Variants in SLC35F1 observed in about 807,000 individuals in gnomAD.
The protein encoded by SLC35F1 is chromosome 6 open reading frame 169.
SLC35F1 carries 14 observed loss-of-function variants against 48.7 expected under a neutral mutation model. The ratio of observed to expected loss-of-function variants is 0.29; its 90% CI spans 0.19 to 0.45. The LOEUF is 0.45. Among genes scored for constraint, SLC35F1 ranks in the 20% least tolerant of loss-of-function variants. SLC35F1 has a pLI of 1.00. For missense variants in SLC35F1, 404 were observed against 500.0 expected, an observed-to-expected ratio of 0.81 and a Z score of 1.83; for synonymous variants, 190 against 202.2, an observed-to-expected ratio of 0.94 and a Z score of 0.51.
At chr6:118,064,932 G>A (rs1056037979) in intron 1 of SLC35F1, among the ~76,000 whole-genome samples, 2 of 152,066 alleles carry the variant, frequency 1.3e-5, no homozygotes, top group Non-Finnish European at 2.9e-5. Context: ...CCAATGCAAG[G>A]TTACACTCCC....
chr6:118,146,528 A>C (rs1430224235), intron 1 of SLC35F1, among the ~76,000 whole-genome samples: 1 of 152,180 alleles, frequency 6.6e-6, no homozygotes, highest in Admixed American at 6.5e-5. Flanking sequence ...CAAAGACTCA[A>C]AACTATGTTC....
chr6:118,193,227 A>C (rs979453183), intron 2 of SLC35F1, among the ~76,000 whole-genome samples: 11 of 152,176 alleles, frequency 7.2e-5, no homozygotes, highest in African/African-American at 9.7e-5. Flanking sequence ...GACAAGACAA[A>C]TCTATCTAAT....
intron 1 of SLC35F1, among the ~76,000 whole-genome samples, chr6:117,967,888 G>A (rs1187697435): frequency 6.6e-6 from 1 of 152,148 alleles, no homozygotes; most frequent in Non-Finnish European, 1.5e-5. Context: ...TCTCTTGTAA[G>A]TCTTCAAATT....
At chr6:118,242,954 C>T (rs1169062786) in intron 3 of SLC35F1, among the ~76,000 whole-genome samples, 1 of 152,174 alleles carries the variant, frequency 6.6e-6, no homozygotes, top group African/African-American at 2.4e-5. Flanking sequence ...AAGCAGTTTC[C>T]ATCAGGAGTG....
intron 3 of SLC35F1, among the ~76,000 whole-genome samples, chr6:118,266,627 A>C (rs941160276): frequency 1.3e-5 from 2 of 152,086 alleles, no homozygotes; most frequent in African/African-American, 4.8e-5. Flanking sequence ...CAATGTAAAA[A>C]GGCTGGGTGT....
At chr6:118,126,889 A>G (rs1452966426) in intron 1 of SLC35F1, among the ~76,000 whole-genome samples, 1 of 151,948 alleles carries the variant, frequency 6.6e-6, no homozygotes, top group Admixed American at 6.6e-5. Flanking sequence ...GGGCTGAGAC[A>G]ATGGGGTTTT....
chr6:118,222,176 C>T (rs949786180), intron 2 of SLC35F1, among the ~76,000 whole-genome samples: 4 of 152,138 alleles, frequency 2.6e-5, no homozygotes, highest in African/African-American at 7.2e-5. Flanking sequence ...GTCAGAAAGT[C>T]TGGGGTGGGC....
chr6:117,971,839 C>T (rs1451756011), intron 1 of SLC35F1, among the ~76,000 whole-genome samples: 1 of 152,200 alleles, frequency 6.6e-6, no homozygotes, highest in Non-Finnish European at 1.5e-5. Context: ...GGGCCTGGCC[C>T]AGGAAACCAT....
At chr6:118,001,291 C>T (rs1197806752) in intron 1 of SLC35F1, among the ~76,000 whole-genome samples, 5 of 152,026 alleles carry the variant, frequency 3.3e-5, no homozygotes, top group South Asian at 2.1e-4. Context: ...TCAGAAATAA[C>T]GCCACATATC....
chr6:118,052,828 T>C (rs1393937752), intron 1 of SLC35F1, among the ~76,000 whole-genome samples: 4 of 152,166 alleles, frequency 2.6e-5, no homozygotes, highest in Admixed American at 2.6e-4. Context: ...AATATTAGTA[T>C]TTTTTCTAGA....
chr6:118,317,207 AACTTGC>A lies in SLC35F1; in HGVS notation c.*2959_*2964del, dbSNP rs1390396952. 1 of 152,428 alleles carries A rather than the reference AACTTGC, an allele frequency of 6.6e-6. No individual in the cohort carries two copies. The highest frequency in any genetic ancestry group is 1.5e-5 in the Non-Finnish European group (1 of 68,042). The allele number at this position is 152,428 out of a possible 1,614,324, so 9.4% of individuals were successfully genotyped here. A position where few individuals can be genotyped will look rare whatever the true frequency, so the allele number is the denominator to read the frequency against. The stretch of plus-strand genomic sequence containing the variant: ...TGGTGGTTCTCACTTCCTCAATGAA[AACTTGC>A]ACTGGGGACAGCGCTTGCCTTGGTC... On this transcript the variant is annotated 3_prime_UTR_variant, in exon 8 of 8. Transcript: ENST00000360388.
Position 118,315,237 on chromosome 6 carries a change from G to A in SLC35F1, c.*985G>A, listed in dbSNP as rs1776417425. 6.6e-6 allele frequency: 1 copy of A among 152,460 alleles called. No individual in the cohort carries two copies. The highest frequency in any genetic ancestry group is 1.5e-5 in the Non-Finnish European group (1 of 68,020). The allele number at this position is 152,460 out of a possible 1,614,324, so 9.4% of individuals were successfully genotyped here. On this transcript the variant is annotated 3_prime_UTR_variant, in exon 8 of 8. Coordinates refer to ENST00000360388, the MANE Select transcript of SLC35F1 (RefSeq NM_001029858.4). ...CACCTTTTTAAAAATACACCAGCAT[G>A]GAAATTACCTTTATTGTGGAAAATC...
chr6:118,272,750 CAT>C (rs71554898), intron 4 of SLC35F1, among the ~76,000 whole-genome samples: 644 of 122,582 alleles, frequency 5.3e-3, no homozygotes, highest in Non-Finnish European at 6.3e-3. Flanking sequence ...TATATATATA[CAT>C]ATATATATAT....
intron 1 of SLC35F1, among the ~76,000 whole-genome samples, chr6:117,920,224 G>A (rs929444830): frequency 2.0e-5 from 3 of 152,306 alleles, no homozygotes; most frequent in Admixed American, 6.5e-5. Flanking sequence ...GAGGGCGTGC[G>A]CGAGCCTCGG....
chr6:118,059,350 T>C (rs747712095), intron 1 of SLC35F1, among the ~76,000 whole-genome samples: 6 of 152,216 alleles, frequency 3.9e-5, no homozygotes, highest in Non-Finnish European at 8.8e-5. Flanking sequence ...ATTGATTTGG[T>C]GGGCTGTCAC....
At chr6:118,122,558 A>G (rs1327186223) in intron 1 of SLC35F1, among the ~76,000 whole-genome samples, 1 of 152,238 alleles carries the variant, frequency 6.6e-6, no homozygotes, top group Non-Finnish European at 1.5e-5. Flanking sequence ...CATGATAAAG[A>G]AAGTTTACTT....
At chr6:118,285,429 T>A in intron 7 of SLC35F1, 91 bp downstream of exon 7, 8 of 1,438,808 alleles carry the variant, frequency 5.6e-6, no homozygotes, top group Non-Finnish European at 6.8e-6. Flanking sequence ...ATGCCCTGAT[T>A]TTGTGTAGGG....
chr6:118,185,451 G>A (rs73766454), intron 2 of SLC35F1, among the ~76,000 whole-genome samples: 4,705 of 152,194 alleles, frequency 0.031, 246 homozygotes, highest in African/African-American at 0.11. Context: ...AGAAAAATAA[G>A]GGAAGGGGAA....
intron 1 of SLC35F1, among the ~76,000 whole-genome samples, chr6:117,951,738 C>A (rs1295463173): frequency 6.6e-6 from 1 of 152,014 alleles, no homozygotes; most frequent in Non-Finnish European, 1.5e-5. Context: ...CTGTGCAAAC[C>A]CAGGCTAGTG....
Sources: gnomAD v4.1 joint callset for allele counts (sites outside exome capture counted in the v4.1 genomes callset) on GRCh38, gnomAD v4.1.1 for gene constraint, MANE v1.5 for transcripts, NCBI Gene and HGNC (gene_info 2026-07-23, HGNC 2026-07-21) for gene names.